DOP1A: variants seen among roughly 807,000 people sequenced by gnomAD.
The protein encoded by DOP1A is protein DOP1A.
A neutral mutation model predicts 267.6 loss-of-function variants in DOP1A; 90 were observed. The observed-to-expected ratio is 0.34, with a 90% CI of 0.28 to 0.40. The LOEUF (loss-of-function observed/expected upper bound fraction) is 0.40. Among genes scored for constraint, DOP1A ranks in the 10% least tolerant of loss-of-function variants. The pLI, the probability that DOP1A is intolerant of heterozygous loss-of-function variation, is 1.00. For missense variants in DOP1A, 2,437 were observed against 2,900.4 expected, an observed-to-expected ratio of 0.84 and a Z score of 3.67; for synonymous variants, 932 against 999.1, an observed-to-expected ratio of 0.93 and a Z score of 1.27.
intron 24 of DOP1A, among the ~76,000 whole-genome samples, 191 bp from the exon 25 acceptor site, chr6:83,145,333 G>T (rs559757502): frequency 1.9e-4 from 25 of 132,488 alleles, no homozygotes; most frequent in African/African-American, 7.0e-4. Flanking sequence ...TGTAATCCTA[G>T]CACTTTGGGG....
intron 1 of DOP1A, among the ~76,000 whole-genome samples, chr6:83,095,521 G>C (rs566461619): frequency 1.3e-5 from 2 of 152,268 alleles, no homozygotes; most frequent in African/African-American, 4.8e-5. Flanking sequence ...TCCAGCTCTA[G>C]AGAAAGGTAC....
intron 1 of DOP1A, among the ~76,000 whole-genome samples, chr6:83,089,127 C>A (rs1769859664): frequency 6.6e-6 from 1 of 152,146 alleles, no homozygotes; most frequent in Non-Finnish European, 1.5e-5. Flanking sequence ...TTTCAGCCCT[C>A]CCCCTGCCTT....
intron 34 of DOP1A, among the ~76,000 whole-genome samples, chr6:83,156,742 C>T (rs562030020): frequency 5.9e-5 from 9 of 152,286 alleles, no homozygotes; most frequent in African/African-American, 2.2e-4. Context: ...GGAGAATTTT[C>T]TTTTCTCCCA....
rs536211293 is a variant in DOP1A at position 83,145,457 on chromosome 6, C to G, written c.5542-67C>G. 26 of 1,314,098 alleles carry G rather than the reference C, an allele frequency of 2.0e-5. No individual in the cohort carries two copies. The East Asian group carries it at 5.2e-4, about 26-fold the overall frequency. The allele number at this position is 1,314,098 out of a possible 1,614,324, so 81.4% of individuals were successfully genotyped here. A position where few individuals can be genotyped will look rare whatever the true frequency, so the allele number is the denominator to read the frequency against. ...AAAAAAGAAGAGATCATAAAATACTCTCTTCTGTAACTTCCCCTAAAAGAC... is the reference window on the plus strand; with the variant it reads ...AAAAAAGAAGAGATCATAAAATACTGTCTTCTGTAACTTCCCCTAAAAGAC... On this transcript the variant is annotated intron_variant, in intron 24 of 38. Transcript: ENST00000349129.
intron 3 of DOP1A, among the ~76,000 whole-genome samples, chr6:83,097,720 A>C (rs1220398070): frequency 1.3e-5 from 2 of 151,884 alleles, no homozygotes; most frequent in African/African-American, 4.8e-5. Flanking sequence ...TTTATTTTTT[A>C]AACATCAATT....
At chr6:83,071,382 T>A (rs774781270) in intron 1 of DOP1A, among the ~76,000 whole-genome samples, 1 of 152,106 alleles carries the variant, frequency 6.6e-6, no homozygotes, top group Non-Finnish European at 1.5e-5. Context: ...AACTTTTGTA[T>A]TTTTAGCAGA....
chr6:83,152,341 G>A lies in DOP1A; in HGVS notation c.6103G>A (p.Val2035Ile). The stretch of plus-strand genomic sequence containing the variant: ...AAACATAACTCCTTCTGTATATAGT[G>A]TCCATGCATTGACATTACTCTCTGA... The part of the protein sequence containing the change: ...TANITPSVYS[V>I]HALTLLSEVL... Residue 2035 changes from valine to isoleucine, a missense_variant, in exon 30 of 39, where the codon GTC becomes ATC. By Grantham distance (29) the Val-to-Ile change is conservative. Around this residue, in one of 9 missense-constraint regions of DOP1A, gnomAD observed 216 missense variants for 283.3 expected, o/e 0.76. Coordinates refer to ENST00000349129, the MANE Select transcript of DOP1A (RefSeq NM_015018.4). The A allele has an allele frequency of 6.4e-7, 1 of 1,552,242 alleles. No individual in the cohort carries two copies. The highest frequency in any genetic ancestry group is 8.7e-7 in the Non-Finnish European group (1 of 1,149,986).
At chr6:83,070,202 C>T (rs12211381) in intron 1 of DOP1A, among the ~76,000 whole-genome samples, 14,322 of 152,056 alleles carry the variant, frequency 0.094, 869 homozygotes, top group East Asian at 0.16. Flanking sequence ...AATAGATAAG[C>T]GTTAATTCAG....
intron 7 of DOP1A, among the ~76,000 whole-genome samples, chr6:83,116,837 A>T (rs1185831844): frequency 6.6e-6 from 1 of 152,148 alleles, no homozygotes; most frequent in African/African-American, 2.4e-5. Flanking sequence ...ATACAGTTTC[A>T]GTCTAAATGC....
intron 38 of DOP1A, chr6:83,166,952 G>T: frequency 1.0e-6 from 1 of 986,282 alleles, no homozygotes; most frequent in Non-Finnish European, 1.2e-6. Context: ...CTTTAGTGTG[G>T]AATTGTATCT....
intron 3 of DOP1A, among the ~76,000 whole-genome samples, chr6:83,097,947 G>A (rs1442270604): frequency 6.6e-6 from 1 of 151,466 alleles, no homozygotes; most frequent in African/African-American, 2.4e-5. Flanking sequence ...CACCCAGGCT[G>A]GAGTCCAGTG....
chr6:83,152,186 T>C lies in DOP1A; in HGVS notation c.6050-102T>C, dbSNP rs566299798. 4.0e-4 allele frequency: 299 copies of C among 745,054 alleles called. No homozygotes were observed. In the African/African-American group the frequency reaches 4.9e-3, roughly 12 times the overall value. 46.2% of individuals were successfully genotyped at this position (745,054 alleles called of 1,614,324 possible). ...GGAAAAATATATATATACATATACATATATATATACATATATAAAAATAAT... is the reference window on the plus strand; with the variant it reads ...GGAAAAATATATATATACATATACACATATATATACATATATAAAAATAAT... On this transcript the variant is annotated intron_variant, in intron 29 of 38. Transcript: ENST00000349129.
At chr6:83,137,038 A>G (rs1022427920) in intron 20 of DOP1A, 135 bp from the exon 21 acceptor site, 9 of 889,718 alleles carry the variant, frequency 1.0e-5, no homozygotes, top group Non-Finnish European at 1.4e-5. Context: ...CAATAAAATA[A>G]AATGTAATTT....
intron 1 of DOP1A, among the ~76,000 whole-genome samples, chr6:83,080,954 T>A (rs946239754): frequency 1.3e-5 from 2 of 152,208 alleles, no homozygotes; most frequent in African/African-American, 4.8e-5. Flanking sequence ...CAAAGCCATC[T>A]TGAGCAAAAA....
At position 83,140,240 on chromosome 6, in the gene DOP1A, A is replaced by G. The variant is rs950795946; in HGVS notation, c.5252A>G (p.Gln1751Arg). 1.2e-6 allele frequency: 2 copies of G among 1,612,436 alleles called. No homozygotes were observed. The highest frequency in any genetic ancestry group is 1.3e-5 in the African/African-American group (1 of 75,012). Reference sequence around the variant, plus strand: ...TAATAGCTTTTGGTCAGTGTAGACCAGAAACACTTGTTTGAAGCACGCAGT... The same window carrying G: ...TAATAGCTTTTGGTCAGTGTAGACCGGAAACACTTGTTTGAAGCACGCAGT... ...QYHQLLVSVDQKHLFEARSGI... is the reference protein window; with the variant it reads ...QYHQLLVSVDRKHLFEARSGI... Residue 1751 changes from glutamine (Q) to arginine (R), a missense_variant, in exon 23 of 39, where the codon CAG (glutamine) becomes CGG (arginine). Transcript: ENST00000349129.
Position 83,138,301 on chromosome 6 carries a change from A to AGAATCTATT in DOP1A, c.4261_4269dup (p.Asn1421_Leu1423dup). On this transcript the variant is annotated inframe_insertion, in exon 21 of 39. Coordinates refer to ENST00000349129, the MANE Select transcript of DOP1A (RefSeq NM_015018.4). ...TATACTCCTCAGTTGTCTCTCCTTC[A>AGAATCTATT]GAATCTATTGGCCAGACACCGGATT... 1 of 1,612,738 alleles carries AGAATCTATT rather than the reference A, an allele frequency of 6.2e-7. No individual in the cohort carries two copies. Among genetic ancestry groups the AGAATCTATT allele is most frequent in the Non-Finnish European group, 8.5e-7 (1 of 1,179,920 alleles).
intron 1 of DOP1A, among the ~76,000 whole-genome samples, chr6:83,096,186 C>T (rs1031809093): frequency 2.6e-5 from 4 of 151,960 alleles, no homozygotes; most frequent in African/African-American, 9.7e-5. Context: ...CTCTTGGACT[C>T]AAGCTATCCT....
intron 1 of DOP1A, among the ~76,000 whole-genome samples, chr6:83,090,514 T>C (rs1243648608): frequency 6.6e-6 from 1 of 152,224 alleles, no homozygotes; most frequent in Non-Finnish European, 1.5e-5. Context: ...GGATACGTTA[T>C]ATTTGCATTA....
chr6:83,099,882 T>G (rs1772252797), intron 3 of DOP1A, among the ~76,000 whole-genome samples: 1 of 152,156 alleles, frequency 6.6e-6, no homozygotes, highest in African/African-American at 2.4e-5. Flanking sequence ...CAGTTTATTC[T>G]GTAAAATAAG....
Sources: allele counts gnomAD v4.1 joint callset (sites outside exome capture counted in the v4.1 genomes callset), GRCh38; gene constraint gnomAD v4.1.1; regional missense constraint gnomAD v4.1.1; transcripts MANE v1.5; gene names NCBI Gene and HGNC (gene_info 2026-07-23, HGNC 2026-07-21).